The following ABR variants were observed in gnomAD, a reference collection of about 807,000 sequenced individuals.
ABR encodes the protein ABR activator of RhoGEF and GTPase.
In ABR, 35 loss-of-function variants were observed where a neutral mutation model predicts 107.2. The observed-to-expected ratio is 0.33, with a 90% CI of 0.25 to 0.43. The LOEUF is 0.43. Ranked by LOEUF, ABR falls within the 20% of genes least tolerant of loss-of-function variation. The pLI, the probability that ABR is intolerant of heterozygous loss-of-function variation, is 1.00. For synonymous variants in ABR, 498 were observed against 462.0 expected (o/e 1.08, Z -1.00); for missense variants, 815 against 1,115.2 (o/e 0.73, Z 3.83).
chr17:1,031,651 TGG>T, intron 16 of ABR: 1 of 1,256,166 alleles, frequency 8.0e-7, no homozygotes, highest in East Asian at 3.2e-5. Context: ...GCGCCGGTGT[TGG>T]GGGGGCGCTT....
chr17:1,193,898 G>A (rs1178186244), intron 1 of ABR, among the ~76,000 whole-genome samples: 3 of 151,926 alleles, frequency 2.0e-5, no homozygotes, highest in South Asian at 2.1e-4. Context: ...GTTTCACCGT[G>A]TTAGCCAGGA....
At chr17:1,211,946 G>A (rs1166877313) in intron 1 of ABR, among the ~76,000 whole-genome samples, 5 of 151,976 alleles carry the variant, frequency 3.3e-5, no homozygotes, top group Admixed American at 2.6e-4. Flanking sequence ...GCCTGGTGTG[G>A]TGGCACAAGC....
At position 1,092,504 on chromosome 17, in the gene ABR, C is replaced by T. The variant is rs928153328; in HGVS notation, c.346-654G>A. 3.0e-4 allele frequency among the ~76,000 whole-genome samples: 45 copies of T among 152,264 alleles called. No individual in the cohort carries two copies. Among genetic ancestry groups the T allele is most frequent in the African/African-American group, 8.9e-4 (37 of 41,550 alleles). On this transcript the variant is annotated intron_variant, in intron 3 of 22. Transcript: ENST00000302538. This position sits in a 1 kb window ranked among gnomAD's most constrained non-coding sequence, Gnocchi z 4.6. ...CTTTCTCAATGCCTGCCTGTCTATACCAAGATGCTCCAGGGCCTGCCAGTG... is the reference window on the plus strand; with the variant it reads ...CTTTCTCAATGCCTGCCTGTCTATATCAAGATGCTCCAGGGCCTGCCAGTG...
intron 1 of ABR, among the ~76,000 whole-genome samples, chr17:1,212,082 CG>C (rs199599045): frequency 7.5e-3 from 91 of 12,200 alleles, no homozygotes; most frequent in Non-Finnish European, 0.055. Flanking sequence ...GACCCCATCT[CG>C]AAAAAAAAAA....
At chr17:1,195,337 C>A (rs1316511841) in intron 1 of ABR, among the ~76,000 whole-genome samples, 1 of 149,332 alleles carries the variant, frequency 6.7e-6, no homozygotes, top group Non-Finnish European at 1.5e-5. Flanking sequence ...CTCAAAGGAT[C>A]CTCCCACCTT....
At chr17:1,152,183 G>C (rs546145399) in intron 1 of ABR, among the ~76,000 whole-genome samples, 1 of 152,182 alleles carries the variant, frequency 6.6e-6, no homozygotes, top group African/African-American at 2.4e-5. Context: ...CCATCTACTC[G>C]GGAGGCTGAG....
In ABR at chr17:1,004,385, A is replaced by T. The variant is rs333643; in HGVS notation, c.*1695T>A. On this transcript the variant is annotated 3_prime_UTR_variant, in exon 23 of 23. Transcript: ENST00000302538. Reference sequence around the variant, plus strand: ...TAAACAGGCTCAAAAAGGGCCTCTCACCGCGCACGCGCTGCAGCGTTAGGG... The same window carrying T: ...TAAACAGGCTCAAAAAGGGCCTCTCTCCGCGCACGCGCTGCAGCGTTAGGG... 17,084 of 152,516 alleles carry T rather than the reference A, an allele frequency of 0.11. 1,580 individuals are homozygous for T. The highest frequency in any genetic ancestry group is 0.25 in the African/African-American group (10,295 of 41,494). The allele number at this position is 152,516 out of a possible 1,614,324, so 9.4% of individuals were successfully genotyped here.
At chr17:1,032,603 C>T (rs1042792435) in intron 16 of ABR, among the ~76,000 whole-genome samples, 1 of 130,036 alleles carries the variant, frequency 7.7e-6, no homozygotes, top group East Asian at 2.4e-4. Flanking sequence ...GGCAACCACC[C>T]GCGTCCGTGC....
intron 16 of ABR, among the ~76,000 whole-genome samples, chr17:1,047,328 G>T (rs1363036171): frequency 1.3e-5 from 2 of 152,242 alleles, no homozygotes; most frequent in East Asian, 3.8e-4. Context: ...AAGCTGTGGG[G>T]ACAGACCGTT....
intron 1 of ABR, among the ~76,000 whole-genome samples, chr17:1,204,341 A>G (rs1314781971): frequency 1.3e-5 from 2 of 152,244 alleles, no homozygotes; most frequent in East Asian, 3.8e-4. Context: ...GCTACTCGGG[A>G]GGCTGAGGCA....
chr17:1,172,098 G>A (rs2041736078), intron 1 of ABR, among the ~76,000 whole-genome samples: 1 of 152,310 alleles, frequency 6.6e-6, no homozygotes, highest in African/African-American at 2.4e-5. Context: ...GAGGAAGGAA[G>A]GGCAGGAGGA....
At chr17:1,143,678 C>T (rs1274620483) in intron 1 of ABR, among the ~76,000 whole-genome samples, 4 of 152,124 alleles carry the variant, frequency 2.6e-5, no homozygotes, top group Non-Finnish European at 5.9e-5. Flanking sequence ...CAATCATCCA[C>T]CTCCAAGATC....
At chr17:1,198,908 C>T (rs1375733019) in intron 1 of ABR, among the ~76,000 whole-genome samples, 1 of 149,118 alleles carries the variant, frequency 6.7e-6, no homozygotes, top group African/African-American at 2.5e-5. Flanking sequence ...GCTGGGATTA[C>T]AGGCGTGAGC....
intron 10 of ABR, among the ~76,000 whole-genome samples, chr17:1,061,032 T>A (rs2033866315): frequency 6.6e-6 from 1 of 152,148 alleles, no homozygotes; most frequent in Admixed American, 6.6e-5. Flanking sequence ...AAATCACTGC[T>A]TCTTCTGTGA....
At chr17:1,132,473 G>C (rs910458528) in intron 1 of ABR, among the ~76,000 whole-genome samples, 1 of 148,706 alleles carries the variant, frequency 6.7e-6, no homozygotes, top group African/African-American at 2.5e-5. Flanking sequence ...CCACCTGCCA[G>C]GTTCAAGCGA....
chr17:1,154,192 C>G lies in ABR; in HGVS notation c.61+25475G>C, dbSNP rs1260969262. On this transcript the variant is annotated intron_variant, in intron 1 of 22. Coordinates refer to ENST00000302538, the MANE Select transcript of ABR (RefSeq NM_021962.5). The surrounding 1 kb of genome is among the most constrained non-coding windows in gnomAD (Gnocchi z 4.0). Reference sequence around the variant, plus strand: ...GTCCTTCATGATCCTGGTGTCCCTGCCGCGGCTGCCACTTCTGGGAGATTC... The same window carrying G: ...GTCCTTCATGATCCTGGTGTCCCTGGCGCGGCTGCCACTTCTGGGAGATTC... 1 of 152,426 alleles carries G rather than the reference C, an allele frequency of 6.6e-6. No individual in the cohort carries two copies. Among genetic ancestry groups the G allele is most frequent in the East Asian group, 1.9e-4 (1 of 5,202 alleles). 9.4% of individuals were successfully genotyped at this position (152,426 alleles called of 1,614,324 possible). A position where few individuals can be genotyped will look rare whatever the true frequency, so the allele number is the denominator to read the frequency against.
chr17:1,075,475 A>G (rs904904355), intron 6 of ABR, among the ~76,000 whole-genome samples: 3 of 152,240 alleles, frequency 2.0e-5, no homozygotes, highest in Non-Finnish European at 4.4e-5. Flanking sequence ...CACTTCAGGG[A>G]GCAATCTGCT....
At chr17:1,108,804 G>A (rs1365492166) in intron 2 of ABR, 18 of 702,942 alleles carry the variant, frequency 2.6e-5, no homozygotes, top group Non-Finnish European at 3.5e-5. Context: ...ACAGCTGCCG[G>A]GGCCGGGACC....
At chr17:1,041,132 C>T (rs1042615371) in intron 16 of ABR, among the ~76,000 whole-genome samples, 3 of 151,998 alleles carry the variant, frequency 2.0e-5, no homozygotes, top group Admixed American at 2.0e-4. Flanking sequence ...GTTGGCCAGG[C>T]TGGTCTCGAA....
Sources: gnomAD v4.1 joint callset for allele counts (sites outside exome capture counted in the v4.1 genomes callset) on GRCh38, gnomAD v4.1.1 for gene constraint, Gnocchi (gnomAD v3.1) non-coding constraint, MANE v1.5 for transcripts, NCBI Gene and HGNC (gene_info 2026-07-23, HGNC 2026-07-21) for gene names.